RAB10: variants seen among roughly 807,000 people sequenced by gnomAD.
The protein encoded by RAB10 is ras-related protein Rab-10.
In RAB10, 5 loss-of-function variants were observed where a neutral mutation model predicts 25.7. The observed-to-expected ratio is 0.19, with a 90% CI of 0.10 to 0.41. The LOEUF is 0.41. RAB10 is among the 10% of genes least tolerant of loss of function. RAB10 has a pLI of 1.00. For missense variants in RAB10, 103 were observed against 245.8 expected, an observed-to-expected ratio of 0.42 and a Z score of 3.89; for synonymous variants, 89 against 86.4, an observed-to-expected ratio of 1.03 and a Z score of -0.16.
chr2:26,042,886 G>A (rs892645109), intron 1 of RAB10: 1 of 152,018 alleles, frequency 6.6e-6, no homozygotes, highest in Non-Finnish European at 1.5e-5. Flanking sequence ...TTAGGGAAAT[G>A]CAAATCAAAA....
chr2:26,068,066 G>A (rs1666550146), intron 1 of RAB10, among the ~76,000 whole-genome samples: 1 of 152,172 alleles, frequency 6.6e-6, no homozygotes, highest in Non-Finnish European at 1.5e-5. Flanking sequence ...AGGATGGTCA[G>A]GTGGCCTAGA....
intron 1 of RAB10, among the ~76,000 whole-genome samples, chr2:26,063,892 G>C (rs918825531): frequency 1.3e-5 from 2 of 152,128 alleles, no homozygotes; most frequent in Non-Finnish European, 2.9e-5. Context: ...CTGCCTCCCG[G>C]GTTCAAATGA....
chr2:26,054,138 C>G (rs755861259), intron 1 of RAB10, among the ~76,000 whole-genome samples: 31 of 149,284 alleles, frequency 2.1e-4, no homozygotes, highest in Non-Finnish European at 3.9e-4. Context: ...ACCTCTGCCT[C>G]CCAGGTTCAA....
At chr2:26,106,534 G>A (rs1179588714) in intron 2 of RAB10, among the ~76,000 whole-genome samples, 1 of 152,106 alleles carries the variant, frequency 6.6e-6, no homozygotes, top group Non-Finnish European at 1.5e-5. Flanking sequence ...TTGAGCAATA[G>A]GACATTCATA....
intron 5 of RAB10, among the ~76,000 whole-genome samples, chr2:26,130,016 A>G (rs1032467561): frequency 2.0e-5 from 3 of 152,236 alleles, no homozygotes; most frequent in Non-Finnish European, 2.9e-5. Context: ...CTGGAAGGGT[A>G]GATACCAAAG....
chr2:26,057,537 G>A lies in RAB10; in HGVS notation c.127+22802G>A, dbSNP rs1184761366. On this transcript the variant is annotated intron_variant, in intron 1 of 5. Transcript: ENST00000264710. ...AAGAAATTAAGAAGCAGTGGCTAGA[G>A]TGGTTGGGGGGATGGTGTAGAGAAA... Among the ~76,000 whole-genome samples the A allele has an allele frequency of 2.0e-5, 3 of 151,888 alleles. No individual in the cohort carries two copies. In the East Asian group the frequency reaches 5.8e-4, roughly 29 times the overall value.
intron 2 of RAB10, among the ~76,000 whole-genome samples, chr2:26,103,776 A>T (rs1667392398): frequency 6.6e-6 from 1 of 152,148 alleles, no homozygotes; most frequent in African/African-American, 2.4e-5. Context: ...ACCACTGATC[A>T]ACTTTGTCTG....
At position 26,136,017 on chromosome 2, in the gene RAB10, C is replaced by G. The variant is rs1173058493; in HGVS notation, c.*996C>G. 6.6e-6 allele frequency: 1 copy of G among 152,654 alleles called. No individual in the cohort carries two copies. Among genetic ancestry groups the G allele is most frequent in the Non-Finnish European group, 1.5e-5 (1 of 68,072 alleles). 9.5% of individuals were successfully genotyped at this position (152,654 alleles called of 1,614,324 possible). A position where few individuals can be genotyped will look rare whatever the true frequency, so the allele number is the denominator to read the frequency against. On this transcript the variant is annotated 3_prime_UTR_variant, in exon 6 of 6. Transcript: ENST00000264710. ...AATGTGTCCCAGATGCCTTCATTTG[C>G]TGTTTTACTTCTATGTTCTGCTTTT...
intron 1 of RAB10, among the ~76,000 whole-genome samples, chr2:26,072,827 T>C (rs919863847): frequency 1.3e-5 from 2 of 152,212 alleles, no homozygotes; most frequent in Non-Finnish European, 2.9e-5. Flanking sequence ...TTTAACAAAA[T>C]GTCATTTATG....
chr2:26,074,590 T>C (rs1473998812), intron 1 of RAB10, among the ~76,000 whole-genome samples: 1 of 152,168 alleles, frequency 6.6e-6, no homozygotes, highest in Non-Finnish European at 1.5e-5. Context: ...AGCTAATTTT[T>C]GTATTTTTGG....
intron 1 of RAB10, among the ~76,000 whole-genome samples, chr2:26,085,570 C>T (rs1007010148): frequency 1.3e-4 from 19 of 151,524 alleles, no homozygotes; most frequent in African/African-American, 4.4e-4. Context: ...TATTTTCCTT[C>T]GCTTTGTTCC....
chr2:26,092,797 T>C (rs188774779), intron 1 of RAB10, among the ~76,000 whole-genome samples: 3 of 152,296 alleles, frequency 2.0e-5, no homozygotes, highest in Admixed American at 2.0e-4. Flanking sequence ...TTGTTGGTCA[T>C]GTTCAGGGTT....
At chr2:26,046,709 C>T (rs755167585) in intron 1 of RAB10, among the ~76,000 whole-genome samples, 6 of 152,126 alleles carry the variant, frequency 3.9e-5, no homozygotes, top group African/African-American at 7.2e-5. Flanking sequence ...GGAGCCACCA[C>T]GCCTGGCCTA....
chr2:26,075,607 A>G (rs1047452193), intron 1 of RAB10, among the ~76,000 whole-genome samples: 2 of 152,218 alleles, frequency 1.3e-5, no homozygotes, highest in Admixed American at 6.5e-5. Flanking sequence ...GGACGGAGGT[A>G]AACAAATCAG....
At position 26,034,141 on chromosome 2, in the gene RAB10, G is replaced by A. The variant is rs894965029; in HGVS notation, c.-468G>A. ...GCACGGGGAAAAGGTGGCTCTGGCC[G>A]GGGTGGCTCGGTTTCCTGGGGCTAT... On this transcript the variant is annotated 5_prime_UTR_variant, in exon 1 of 6. Transcript: ENST00000264710. The A allele has an allele frequency of 4.9e-6, 2 of 406,396 alleles. No individual in the cohort carries two copies. The highest frequency in any genetic ancestry group is 4.2e-5 in the Admixed American group (1 of 23,986). The allele number at this position is 406,396 out of a possible 1,614,324, so 25.2% of individuals were successfully genotyped here.
chr2:26,039,447 G>A (rs1665836866), intron 1 of RAB10, among the ~76,000 whole-genome samples: 1 of 151,864 alleles, frequency 6.6e-6, no homozygotes, highest in Admixed American at 6.6e-5. Context: ...CCAGATTCAA[G>A]CAATTCTCCC....
intron 1 of RAB10, among the ~76,000 whole-genome samples, chr2:26,093,622 G>GT (rs1208934597): frequency 6.6e-6 from 1 of 152,128 alleles, no homozygotes; most frequent in Non-Finnish European, 1.5e-5. Context: ...GATAAATGAA[G>GT]TTTACCAGGA....
intron 1 of RAB10, among the ~76,000 whole-genome samples, chr2:26,071,946 C>G (rs1219713350): frequency 6.6e-6 from 1 of 152,126 alleles, no homozygotes; most frequent in Non-Finnish European, 1.5e-5. Flanking sequence ...TGTACATACT[C>G]TCTTGATGAG....
At chr2:26,098,105 C>CTTT (rs1667262764) in intron 1 of RAB10, among the ~76,000 whole-genome samples, 1 of 88,452 alleles carries the variant, frequency 1.1e-5, no homozygotes, top group Non-Finnish European at 2.2e-5. Context: ...TTCTTTCTTT[C>CTTT]TTTCTTTTTT....
Sources: gnomAD v4.1 joint callset for allele counts (sites outside exome capture counted in the v4.1 genomes callset) on GRCh38, gnomAD v4.1.1 for gene constraint, MANE v1.5 for transcripts, NCBI Gene and HGNC (gene_info 2026-07-23, HGNC 2026-07-21) for gene names.